Variants in RTN1 observed in about 807,000 individuals in gnomAD.
RTN1 encodes reticulon 1.
RTN1 carries 25 observed loss-of-function variants against 65.5 expected under a neutral mutation model. The observed-to-expected ratio is 0.38, with a 90% CI of 0.28 to 0.53. The LOEUF is 0.53. Among genes scored for constraint, RTN1 ranks in the 20% least tolerant of loss-of-function variants. The probability of loss-of-function intolerance (pLI) is 0.79; values close to 1 mark genes in which losing one functional copy is unlikely to be tolerated. For synonymous variants in RTN1, 471 were observed against 447.6 expected (o/e 1.05, Z -0.66); for missense variants, 983 against 1,025.4 (o/e 0.96, Z 0.57).
chr14:59,853,739 A>T (rs1389649208), intron 1 of RTN1, among the ~76,000 whole-genome samples: 1 of 152,196 alleles, frequency 6.6e-6, no homozygotes, highest in Non-Finnish European at 1.5e-5. Flanking sequence ...AAAGTTAACA[A>T]AAAATCCCTG....
intron 3 of RTN1, among the ~76,000 whole-genome samples, chr14:59,702,765 G>A (rs1349938122): frequency 6.6e-6 from 1 of 152,280 alleles, no homozygotes; most frequent in East Asian, 1.9e-4. Flanking sequence ...CAAGCAGAGT[G>A]AGTGCTCACA....
At chr14:59,601,048 T>TA (rs140595589) in intron 8 of RTN1, among the ~76,000 whole-genome samples, 7,654 of 152,220 alleles carry the variant, frequency 0.05, 244 homozygotes, top group Non-Finnish European at 0.076. Context: ...ATCCCCTGCT[T>TA]AAAAACATCA....
intron 1 of RTN1, among the ~76,000 whole-genome samples, chr14:59,749,268 ATATATATATC>A (rs1435448586): frequency 0.17 from 3,651 of 20,992 alleles, 664 homozygotes; most frequent in Non-Finnish European, 0.22. Context: ...ATATATATCT[ATATATATATC>A]TATATATATC....
intron 1 of RTN1, among the ~76,000 whole-genome samples, chr14:59,864,053 G>A (rs540860400): frequency 6.6e-6 from 1 of 152,204 alleles, no homozygotes; most frequent in South Asian, 2.1e-4. Flanking sequence ...GATTCTCAAC[G>A]CAGTGACTAG....
intron 1 of RTN1, among the ~76,000 whole-genome samples, chr14:59,845,323 A>G (rs1268727825): frequency 1.3e-5 from 2 of 152,206 alleles, no homozygotes; most frequent in Admixed American, 6.6e-5. Flanking sequence ...GTGTTTTTAC[A>G]TTGATTTTCT....
chr14:59,768,926 A>G lies in RTN1; in HGVS notation c.242-22445T>C, dbSNP rs188906260. The stretch of plus-strand genomic sequence containing the variant: ...TTAGAGAAAAGTCAGAGACTTGAAC[A>G]AGGTATTACTTTTCTAGGTGACCAA... On this transcript the variant is annotated intron_variant, in intron 1 of 8. Transcript: ENST00000267484. Among the ~76,000 whole-genome samples the G allele has an allele frequency of 2.6e-5, 4 of 152,320 alleles. No homozygotes were observed. In the East Asian group the frequency reaches 7.7e-4, roughly 29 times the overall value.
At chr14:59,856,480 A>G (rs1341435197) in intron 1 of RTN1, among the ~76,000 whole-genome samples, 2 of 152,130 alleles carry the variant, frequency 1.3e-5, no homozygotes, top group African/African-American at 4.8e-5. Context: ...CTTCCACTGA[A>G]TAGGAGAATC....
At chr14:59,729,880 T>C (rs978288246) in intron 2 of RTN1, among the ~76,000 whole-genome samples, 8 of 152,142 alleles carry the variant, frequency 5.3e-5, no homozygotes, top group Non-Finnish European at 1.2e-4. Context: ...TTTTAGCCAA[T>C]AGGAAGCCCA....
chr14:59,782,738 T>C (rs1191473973), intron 1 of RTN1, among the ~76,000 whole-genome samples: 1 of 152,212 alleles, frequency 6.6e-6, no homozygotes, highest in South Asian at 2.1e-4. Flanking sequence ...AGCTGCCCTA[T>C]TGCTGCAAGA....
chr14:59,822,542 C>A (rs913043805), intron 1 of RTN1, among the ~76,000 whole-genome samples: 2 of 152,094 alleles, frequency 1.3e-5, no homozygotes, highest in Non-Finnish European at 2.9e-5. Flanking sequence ...TATTTGTTTT[C>A]TTCTCCAAGC....
rs773742850 is a variant in RTN1 at position 59,727,609 on chromosome 14, C to T, written c.1075G>A (p.Ala359Thr). The change falls in exon 3 of 9, where the codon GCC (alanine) becomes ACC (threonine). Residue 359 changes from alanine to threonine, a missense_variant. This residue lies in a region of RTN1 where 818 missense variants were observed against 801.8 expected (regional missense o/e 1.02). Coordinates refer to ENST00000267484, the MANE Select transcript of RTN1 (RefSeq NM_021136.3). The surrounding 1 kb of genome is among the most constrained non-coding windows in gnomAD (Gnocchi z 4.2). ...GATAATCCCTTTGCTTCTTTGATGG[C>T]GGTGATCAGCTCATCCTCGGAGATG... Reference protein sequence around the residue: ...GSISEDELITAIKEAKGLSYE... With the variant: ...GSISEDELITTIKEAKGLSYE... 2 of 1,612,358 alleles carry T rather than the reference C, an allele frequency of 1.2e-6. No homozygotes were observed. The highest frequency in any genetic ancestry group is 1.7e-6 in the Non-Finnish European group (2 of 1,179,550).
intron 1 of RTN1, among the ~76,000 whole-genome samples, chr14:59,760,718 C>T (rs558627804): frequency 6.6e-6 from 1 of 152,312 alleles, no homozygotes; most frequent in African/African-American, 2.4e-5. Flanking sequence ...GCACTGTGAG[C>T]TCATAGGAAA....
rs189658409 is a variant in RTN1 at position 59,801,193 on chromosome 14, C to T, written c.242-54712G>A. Among the ~76,000 whole-genome samples, 312 of 152,136 alleles carry T rather than the reference C, an allele frequency of 2.1e-3. 6 individuals are homozygous for T. In the South Asian group the frequency reaches 0.04, roughly 20 times the overall value. On this transcript the variant is annotated intron_variant, in intron 1 of 8. Coordinates refer to ENST00000267484, the MANE Select transcript of RTN1 (RefSeq NM_021136.3). Reference sequence around the variant, plus strand: ...AGGCAGAAAATATTTTAAATGATAACGGCTGAGAACTTTCCAAAATTAATC... The same window carrying T: ...AGGCAGAAAATATTTTAAATGATAATGGCTGAGAACTTTCCAAAATTAATC...
rs185122707 is a variant in RTN1 at position 59,685,475 on chromosome 14, A to G, written c.1765+41444T>C. On this transcript the variant is annotated intron_variant, in intron 3 of 8. Transcript: ENST00000267484. ...TAATAAATGAATTTAGTAAAGTTGC[A>G]GGAAACAAAATCACATACAAAAATG... 3.9e-3 allele frequency among the ~76,000 whole-genome samples: 597 copies of G among 152,366 alleles called. 2 individuals are homozygous for G. Among genetic ancestry groups the G allele is most frequent in the Non-Finnish European group, 6.8e-3 (463 of 68,026 alleles).
At chr14:59,643,459 C>G (rs768978336) in intron 3 of RTN1, among the ~76,000 whole-genome samples, 1 of 152,144 alleles carries the variant, frequency 6.6e-6, no homozygotes, top group Non-Finnish European at 1.5e-5. Flanking sequence ...ACCTCATGAC[C>G]CATCCGCGTT....
chr14:59,749,574 T>G lies in RTN1; in HGVS notation c.242-3093A>C, dbSNP rs1181707553. 8.4e-4 allele frequency among the ~76,000 whole-genome samples: 35 copies of G among 41,460 alleles called. 8 individuals carry two copies. Among genetic ancestry groups the G allele is most frequent in the African/African-American group, 7.3e-3 (34 of 4,674 alleles). 27.2% of individuals were successfully genotyped at this position (41,460 alleles called of 152,430 possible). ...ATATAGATATCTATATATAGATATA[T>G]ATATATAGATATTTATATATATATC... On this transcript the variant is annotated intron_variant, in intron 1 of 8. Coordinates refer to ENST00000267484, the MANE Select transcript of RTN1 (RefSeq NM_021136.3).
intron 1 of RTN1, among the ~76,000 whole-genome samples, chr14:59,767,130 C>A (rs1326866789): frequency 6.6e-6 from 1 of 152,212 alleles, no homozygotes; most frequent in Admixed American, 6.5e-5. Context: ...AGTCCTCTCC[C>A]CACTCTTGCT....
At chr14:59,653,570 T>A (rs572625554) in intron 3 of RTN1, among the ~76,000 whole-genome samples, 3 of 151,958 alleles carry the variant, frequency 2.0e-5, no homozygotes, top group Admixed American at 6.6e-5. Flanking sequence ...TAAAAATATA[T>A]ATAAAGCAAT....
chr14:59,650,870 A>T (rs968057879), intron 3 of RTN1, among the ~76,000 whole-genome samples: 2 of 151,948 alleles, frequency 1.3e-5, no homozygotes, highest in Non-Finnish European at 2.9e-5. Context: ...TACCAATGAC[A>T]TTTTTCACCT....
Sources: allele counts gnomAD v4.1 joint callset (sites outside exome capture counted in the v4.1 genomes callset), GRCh38; gene constraint gnomAD v4.1.1; regional missense constraint gnomAD v4.1.1; non-coding constraint Gnocchi (gnomAD v3.1); transcripts MANE v1.5; gene names NCBI Gene and HGNC (gene_info 2026-07-23, HGNC 2026-07-21).